Variants in ANKRD17 observed in about 807,000 individuals in gnomAD.
ANKRD17 encodes ankyrin repeat domain 17.
ANKRD17 carries 19 observed loss-of-function variants against 229.7 expected under a neutral mutation model. The observed-to-expected ratio is 0.08, with a 90% CI of 0.06 to 0.12. ANKRD17 has a LOEUF of 0.12. Ranked by LOEUF, ANKRD17 falls within the 10% of genes least tolerant of loss-of-function variation. The pLI, the probability that ANKRD17 is intolerant of heterozygous loss-of-function variation, is 1.00. For missense variants in ANKRD17, 2,176 were observed against 3,176.8 expected (o/e 0.68, Z 7.57); for synonymous variants, 1,112 against 1,146.1 (o/e 0.97, Z 0.60).
At chr4:73,096,424 A>G (rs1723308488) in intron 27 of ANKRD17, among the ~76,000 whole-genome samples, 1 of 152,218 alleles carries the variant, frequency 6.6e-6, no homozygotes, top group Non-Finnish European at 1.5e-5. Flanking sequence ...TGACGGGGAC[A>G]AGATTTGGTC....
intron 2 of ANKRD17, among the ~76,000 whole-genome samples, chr4:73,165,073 T>C (rs923405636): frequency 2.0e-5 from 3 of 151,888 alleles, no homozygotes; most frequent in African/African-American, 4.8e-5. Context: ...CTAGGAAAAA[T>C]CTGTATATAA....
Position 73,151,493 on chromosome 4 carries a change from T to G in ANKRD17, c.1266A>C (p.Glu422Asp). 4 of 1,609,640 alleles carry G rather than the reference T, an allele frequency of 2.5e-6. No individual in the cohort carries two copies. Among genetic ancestry groups the G allele is most frequent in the Non-Finnish European group, 3.4e-6 (4 of 1,177,850 alleles). ...GHLEMVRFLL[E>D]AGADQEHKTD... Reference sequence around the variant, plus strand: ...TTTTATGCTCTTGATCCGCGCCTGCTTCCAAAAGAAATCGCACCATCTCTA... The same window carrying G: ...TTTTATGCTCTTGATCCGCGCCTGCGTCCAAAAGAAATCGCACCATCTCTA... The change falls in exon 7 of 34, where the codon GAA becomes GAC. Residue 422 changes from glutamate (E) to aspartate (D), a missense_variant. Around this residue, in one of 18 missense-constraint regions of ANKRD17, gnomAD observed 184 missense variants for 357.8 expected, o/e 0.51. Coordinates refer to ENST00000358602, the MANE Select transcript of ANKRD17 (RefSeq NM_032217.5).
chr4:73,193,903 G>GTTTGT (rs1737477487), intron 1 of ANKRD17, among the ~76,000 whole-genome samples: 1 of 152,142 alleles, frequency 6.6e-6, no homozygotes. Context: ...CTGCACTCTA[G>GTTTGT]CCTGGGTGAC....
At chr4:73,161,428 T>G (rs1732507216) in intron 2 of ANKRD17, 80 bp from the exon 3 acceptor site, 1 of 1,424,518 alleles carries the variant, frequency 7.0e-7, no homozygotes, top group African/African-American at 1.4e-5. Flanking sequence ...AAAGCTATAC[T>G]GTGTATGTTA....
intron 31 of ANKRD17, among the ~76,000 whole-genome samples, 148 bp downstream of exon 31, chr4:73,078,481 TGAACCAAGATCAC>T (rs886833615): frequency 6.6e-6 from 1 of 151,160 alleles, no homozygotes; most frequent in African/African-American, 2.4e-5. Flanking sequence ...GAGGTTGCAG[TGAACCAAGATCAC>T]CCCATTGCAC....
At chr4:73,241,714 A>T (rs1744063560) in intron 1 of ANKRD17, among the ~76,000 whole-genome samples, 2 of 152,132 alleles carry the variant, frequency 1.3e-5, no homozygotes, top group Admixed American at 1.3e-4. Context: ...GTAAGGAAAA[A>T]ATATTTACAG....
At chr4:73,181,698 C>T (rs1018144491) in intron 1 of ANKRD17, among the ~76,000 whole-genome samples, 1 of 151,944 alleles carries the variant, frequency 6.6e-6, no homozygotes, top group Non-Finnish European at 1.5e-5. Flanking sequence ...CATTTTGAAT[C>T]ACAACCAACT....
At chr4:73,223,263 CA>C (rs1553941669) in intron 1 of ANKRD17, 2 of 399,744 alleles carry the variant, frequency 5.0e-6, no homozygotes, top group Non-Finnish European at 8.9e-6. Flanking sequence ...TTTTAACAGA[CA>C]AAATAAAGTC....
rs1226793492 is a variant in ANKRD17, at chr4:73,151,486, C to T, written c.1273G>A (p.Ala425Thr). The T allele has an allele frequency of 1.2e-6, 2 of 1,609,600 alleles. No individual in the cohort carries two copies. The highest frequency in any genetic ancestry group is 1.7e-6 in the Non-Finnish European group (2 of 1,177,978). Residue 425 changes from alanine to threonine, a missense_variant, in exon 7 of 34, where the codon GCG (alanine) becomes ACG (threonine). By Grantham distance (58) the Ala-to-Thr change is moderately conservative. Around this residue, in one of 18 missense-constraint regions of ANKRD17, gnomAD observed 42 missense variants for 141.3 expected, o/e 0.30. Transcript: ENST00000358602. ...EMVRFLLEAG[A>T]DQEHKTDEMH... ...TCATCTGTTTTATGCTCTTGATCCG[C>T]GCCTGCTTCCAAAAGAAATCGCACC...
intron 25 of ANKRD17, chr4:73,101,263 G>T (rs1723942227): frequency 1.0e-6 from 1 of 952,806 alleles, no homozygotes; most frequent in African/African-American, 1.8e-5. Flanking sequence ...TTCATTTGAA[G>T]AAATCGATGA....
intron 1 of ANKRD17, among the ~76,000 whole-genome samples, chr4:73,216,130 C>T (rs1484057977): frequency 6.6e-6 from 1 of 152,086 alleles, no homozygotes; most frequent in African/African-American, 2.4e-5. Context: ...TAGTTATCTT[C>T]CATTAAGTCA....
intron 24 of ANKRD17, among the ~76,000 whole-genome samples, chr4:73,107,698 C>G (rs1724810258): frequency 6.6e-6 from 1 of 152,102 alleles, no homozygotes. Context: ...TAGAACTGGA[C>G]CCAGTATATT....
intron 16 of ANKRD17, among the ~76,000 whole-genome samples, chr4:73,132,162 G>C (rs1728301023): frequency 6.6e-6 from 1 of 150,894 alleles, no homozygotes. Context: ...CTGGAGTGCA[G>C]TGGTATGATC....
intron 30 of ANKRD17, among the ~76,000 whole-genome samples, chr4:73,083,594 C>T (rs531642145): frequency 1.3e-5 from 2 of 152,060 alleles, no homozygotes; most frequent in Non-Finnish European, 2.9e-5. Flanking sequence ...TTGTAATGCC[C>T]TCAATGATAC....
intron 16 of ANKRD17, among the ~76,000 whole-genome samples, chr4:73,127,107 T>C (rs1727572825): frequency 6.6e-6 from 1 of 152,180 alleles, no homozygotes; most frequent in African/African-American, 2.4e-5. Flanking sequence ...TAAATCTAGA[T>C]ACAAATTGAG....
intron 1 of ANKRD17, among the ~76,000 whole-genome samples, chr4:73,214,545 T>C (rs957180553): frequency 9.2e-5 from 14 of 152,064 alleles, no homozygotes; most frequent in Admixed American, 8.5e-4. Context: ...TGGGTAAACC[T>C]GCTAGTTTCT....
At chr4:73,141,712 A>C in intron 14 of ANKRD17, 29 bp downstream of exon 14, 1 of 1,584,474 alleles carries the variant, frequency 6.3e-7, no homozygotes, top group South Asian at 1.1e-5. Context: ...GACACCAAGT[A>C]AGAAACAGTC....
intron 1 of ANKRD17, among the ~76,000 whole-genome samples, chr4:73,204,340 G>A (rs1440774656): frequency 9.3e-6 from 1 of 107,352 alleles, no homozygotes; most frequent in Non-Finnish European, 1.8e-5. Context: ...CAGCCTGGGC[G>A]ACAAAGTGAG....
intron 25 of ANKRD17, chr4:73,100,908 C>T: frequency 2.0e-6 from 2 of 985,342 alleles, no homozygotes; most frequent in Non-Finnish European, 2.4e-6. Context: ...TTCCTTCCCA[C>T]AATACAGTCA....
Sources: allele counts gnomAD v4.1 joint callset (sites outside exome capture counted in the v4.1 genomes callset), GRCh38; gene constraint gnomAD v4.1.1; regional missense constraint gnomAD v4.1.1; transcripts MANE v1.5; gene names NCBI Gene and HGNC (gene_info 2026-07-23, HGNC 2026-07-21).